The following FKTN variants were observed in gnomAD, a reference collection of about 807,000 sequenced individuals.
FKTN encodes the protein ribitol-5-phosphate transferase FKTN.
Under a neutral mutation model 58.6 loss-of-function variants are expected in FKTN, and 47 were observed. The ratio of observed to expected loss-of-function variants is 0.80; its 90% CI spans 0.63 to 1.02. The LOEUF (loss-of-function observed/expected upper bound fraction) is 1.02, where lower values mean the gene tolerates loss of function less well. Ranked by LOEUF, FKTN falls within the 50% of genes least tolerant of loss-of-function variation. The pLI is 0.00. For missense variants in FKTN, 516 were observed against 537.3 expected (o/e 0.96, Z 0.39); for synonymous variants, 178 against 191.9 (o/e 0.93, Z 0.60).
chr9:105,584,882 C>G (rs971930975), intron 3 of FKTN, among the ~76,000 whole-genome samples: 1 of 152,002 alleles, frequency 6.6e-6, no homozygotes, highest in Non-Finnish European at 1.5e-5. Context: ...TAATTGTATC[C>G]TTTAAAATGG....
intron 9 of FKTN, among the ~76,000 whole-genome samples, chr9:105,618,543 A>C (rs1325656689): frequency 6.6e-6 from 1 of 152,208 alleles, no homozygotes; most frequent in Non-Finnish European, 1.5e-5. Flanking sequence ...TTGATTGCTA[A>C]GGGATAGAAA....
At position 105,639,342 on chromosome 9, in the gene FKTN, C is replaced by G; in HGVS notation, c.*4078C>G. 1 of 946,228 alleles carries G rather than the reference C, an allele frequency of 1.1e-6. No individual in the cohort carries two copies. Among genetic ancestry groups the G allele is most frequent in the Non-Finnish European group, 1.3e-6 (1 of 794,246 alleles). The allele number at this position is 946,228 out of a possible 1,614,324, so 58.6% of individuals were successfully genotyped here. Reference sequence around the variant, plus strand: ...TGTGTTGCCATAAAAAGACCACAAGCTTTTGAGTTAGGCCTGAATTTGAAT... The same window carrying G: ...TGTGTTGCCATAAAAAGACCACAAGGTTTTGAGTTAGGCCTGAATTTGAAT... On this transcript the variant is annotated 3_prime_UTR_variant, in exon 11 of 11. Transcript: ENST00000357998.
chr9:105,587,321 A>G (rs1250636491), intron 3 of FKTN, among the ~76,000 whole-genome samples: 1 of 152,124 alleles, frequency 6.6e-6, no homozygotes, highest in East Asian at 1.9e-4. Flanking sequence ...GAGGGAGTTG[A>G]AAGGGGAGTT....
chr9:105,614,246 TA>T (rs1261476135), intron 7 of FKTN, among the ~76,000 whole-genome samples: 1 of 152,198 alleles, frequency 6.6e-6, no homozygotes, highest in Non-Finnish European at 1.5e-5. Context: ...CCAAGATGAC[TA>T]AATGATATAT....
intron 7 of FKTN, among the ~76,000 whole-genome samples, chr9:105,609,477 A>G (rs1283148657): frequency 1.3e-5 from 2 of 152,154 alleles, no homozygotes; most frequent in Non-Finnish European, 2.9e-5. Flanking sequence ...CATTTTTACC[A>G]TTTAATCCCT....
chr9:105,581,066 T>C (rs1227373472), intron 3 of FKTN, among the ~76,000 whole-genome samples: 1 of 149,054 alleles, frequency 6.7e-6, no homozygotes, highest in Non-Finnish European at 1.5e-5. Flanking sequence ...TTATACATTC[T>C]TCTCAATTTT....
chr9:105,631,169 A>C (rs1167387095), intron 10 of FKTN, among the ~76,000 whole-genome samples: 1 of 152,112 alleles, frequency 6.6e-6, no homozygotes, highest in Non-Finnish European at 1.5e-5. Context: ...TCTTTTACCT[A>C]ATAAAGAGAA....
At chr9:105,597,682 A>G (rs1323451902) in intron 4 of FKTN, among the ~76,000 whole-genome samples, 1 of 152,118 alleles carries the variant, frequency 6.6e-6, no homozygotes, top group Non-Finnish European at 1.5e-5. Flanking sequence ...GACCTGATTT[A>G]TCATCTTGTG....
chr9:105,637,582 A>C lies in FKTN; in HGVS notation c.*2318A>C. Reference sequence around the variant, plus strand: ...AGTGTCCAGAGACCTTGGGTTAGGTATATCCATCTTCAGTACCTCATTGGA... The same window carrying C: ...AGTGTCCAGAGACCTTGGGTTAGGTCTATCCATCTTCAGTACCTCATTGGA... On this transcript the variant is annotated 3_prime_UTR_variant, in exon 11 of 11. Coordinates refer to ENST00000357998, the MANE Select transcript of FKTN (RefSeq NM_001079802.2). 2 of 985,410 alleles carry C rather than the reference A, an allele frequency of 2.0e-6. No homozygotes were observed. The highest frequency in any genetic ancestry group is 1.2e-6 in the Non-Finnish European group (1 of 829,898). 61.0% of individuals were successfully genotyped at this position (985,410 alleles called of 1,614,324 possible).
chr9:105,632,626 T>G (rs771048375), intron 10 of FKTN, among the ~76,000 whole-genome samples: 5 of 152,036 alleles, frequency 3.3e-5, no homozygotes, highest in Non-Finnish European at 5.9e-5. Flanking sequence ...GATGAAATTA[T>G]CCAACTACCA....
At chr9:105,564,802 A>G (rs574358758) in intron 1 of FKTN, among the ~76,000 whole-genome samples, 1 of 152,346 alleles carries the variant, frequency 6.6e-6, no homozygotes, top group East Asian at 1.9e-4. Context: ...AGAGAATGCC[A>G]CAAAGATACT....
intron 3 of FKTN, among the ~76,000 whole-genome samples, chr9:105,589,540 A>G (rs963825164): frequency 6.6e-6 from 1 of 152,064 alleles, no homozygotes; most frequent in African/African-American, 2.4e-5. Context: ...ACAAAATGGT[A>G]TAATCTTCAG....
chr9:105,604,427 C>T lies in FKTN; in HGVS notation c.582C>T (p.His194=). The T allele has an allele frequency of 6.2e-7, 1 of 1,613,912 alleles. No homozygotes were observed. Among genetic ancestry groups the T allele is most frequent in the Non-Finnish European group, 8.5e-7 (1 of 1,179,792 alleles). The change falls in exon 6 of 11, where the codon CAC becomes CAT. Residue 194 remains histidine (H), a synonymous_variant. Transcript: ENST00000357998. ...LWHGHLRLKE[H]IDRKFVPFRK... is the part of the protein sequence containing the mutation. The stretch of plus-strand genomic sequence containing the variant: ...ACGGCCACTTGAGACTTAAAGAACA[C>T]ATTGACAGGAAATTTGTTCCCTTCC...
intron 10 of FKTN, among the ~76,000 whole-genome samples, chr9:105,630,109 G>A (rs1833223047): frequency 6.6e-6 from 1 of 152,082 alleles, no homozygotes; most frequent in South Asian, 2.1e-4. Flanking sequence ...TAAAGGACGA[G>A]TTAATGGGTG....
At chr9:105,599,638 G>A (rs1827497821) in intron 4 of FKTN, among the ~76,000 whole-genome samples, 1 of 151,708 alleles carries the variant, frequency 6.6e-6, no homozygotes, top group Admixed American at 6.6e-5. Flanking sequence ...TGAGTTGCTG[G>A]GACTACAGGC....
intron 3 of FKTN, among the ~76,000 whole-genome samples, chr9:105,580,172 A>G (rs370055479): frequency 6.6e-6 from 1 of 152,022 alleles, no homozygotes; most frequent in African/African-American, 2.4e-5. Context: ...TTACATTTAA[A>G]GTTAATATTG....
intron 5 of FKTN, among the ~76,000 whole-genome samples, chr9:105,602,215 T>C (rs570014442): frequency 2.1e-4 from 32 of 152,352 alleles, no homozygotes; most frequent in African/African-American, 6.7e-4. Flanking sequence ...TTTTTCACTA[T>C]GTGATTATGT....
chr9:105,604,180 T>C, intron 5 of FKTN, 35 bp from the exon 6 acceptor site: 1 of 1,608,400 alleles, frequency 6.2e-7, no homozygotes, highest in Non-Finnish European at 8.5e-7. Flanking sequence ...TGTTTAAGTG[T>C]TGTTTCTTGA....
Position 105,635,144 on chromosome 9 carries a change from C to T in FKTN, c.1266C>T (p.Asn422=). 1.9e-6 allele frequency: 3 copies of T among 1,614,000 alleles called. No individual in the cohort carries two copies. The South Asian group carries it at 3.3e-5, about 18-fold the overall frequency. The change falls in exon 11 of 11, where the codon AAC becomes AAT. Residue 422 remains asparagine (N), a synonymous_variant. Transcript: ENST00000357998. ...AAACCCTCGAATACATTGAAGCCAA[C>T]TATGGTAAGACCTGGAAGATTCCTG... is the stretch of plus-strand genomic sequence containing the variant. ...PCETLEYIEA[N]YGKTWKIPVK...
Sources: gnomAD v4.1 joint callset for allele counts (sites outside exome capture counted in the v4.1 genomes callset) on GRCh38, gnomAD v4.1.1 for gene constraint, MANE v1.5 for transcripts, NCBI Gene and HGNC (gene_info 2026-07-23, HGNC 2026-07-21) for gene names.